CRPPA: variants seen among roughly 807,000 people sequenced by gnomAD.
The protein encoded by CRPPA is D-ribitol-5-phosphate cytidylyltransferase.
CRPPA carries 43 observed loss-of-function variants against 52.0 expected under a neutral mutation model. The ratio of observed to expected loss-of-function variants is 0.83; its 90% CI spans 0.65 to 1.07. CRPPA has a LOEUF of 1.07. CRPPA is among the 50% of genes least tolerant of loss of function. The pLI is 0.00. For missense variants in CRPPA, 629 were observed against 551.7 expected (o/e 1.14, Z -1.40); for synonymous variants, 250 against 203.5 (o/e 1.23, Z -1.94).
At chr7:16,388,046 C>A (rs965199699) in intron 2 of CRPPA, among the ~76,000 whole-genome samples, 5 of 152,144 alleles carry the variant, frequency 3.3e-5, no homozygotes, top group Non-Finnish European at 5.9e-5. Context: ...TCCGGTAGCA[C>A]AATCACAGCT....
chr7:16,100,466 A>G (rs968739521), intron 9 of CRPPA, among the ~76,000 whole-genome samples: 1 of 152,234 alleles, frequency 6.6e-6, no homozygotes, highest in African/African-American at 2.4e-5. Context: ...AATATTTATT[A>G]GTTAGAATAA....
At chr7:16,395,492 C>A (rs1787545668) in intron 2 of CRPPA, among the ~76,000 whole-genome samples, 1 of 152,162 alleles carries the variant, frequency 6.6e-6, no homozygotes, top group Non-Finnish European at 1.5e-5. Flanking sequence ...ATCTCTAAAG[C>A]TAATCATTGG....
At chr7:16,156,564 ATCT>A (rs767269696) in intron 9 of CRPPA, among the ~76,000 whole-genome samples, 3 of 152,184 alleles carry the variant, frequency 2.0e-5, no homozygotes, top group Non-Finnish European at 4.4e-5. Flanking sequence ...TATCTATGGC[ATCT>A]CAGAAGATCA....
At chr7:16,223,788 C>T (rs1782581040) in intron 8 of CRPPA, among the ~76,000 whole-genome samples, 1 of 152,134 alleles carries the variant, frequency 6.6e-6, no homozygotes, top group African/African-American at 2.4e-5. Flanking sequence ...AATAAACTTA[C>T]AGCCTGGACA....
At chr7:16,317,443 T>A (rs1785166115) in intron 3 of CRPPA, among the ~76,000 whole-genome samples, 1 of 152,200 alleles carries the variant, frequency 6.6e-6, no homozygotes, top group African/African-American at 2.4e-5. Context: ...ATCTGATGGT[T>A]GTGTAGAGGC....
chr7:16,292,170 C>T (rs551660551), intron 5 of CRPPA, among the ~76,000 whole-genome samples: 7 of 151,856 alleles, frequency 4.6e-5, no homozygotes, highest in Non-Finnish European at 8.8e-5. Context: ...CTCTCTTAAC[C>T]GTACTCTAAA....
At chr7:16,372,998 T>C (rs763424190) in intron 3 of CRPPA, among the ~76,000 whole-genome samples, 1 of 152,132 alleles carries the variant, frequency 6.6e-6, no homozygotes, top group Non-Finnish European at 1.5e-5. Flanking sequence ...CAGACCTCAA[T>C]AGAGAGTGGA....
rs757915295 is a variant in CRPPA, at chr7:16,091,627, C to T, written c.*68G>A. On this transcript the variant is annotated 3_prime_UTR_variant, in exon 10 of 10. Coordinates refer to ENST00000407010, the MANE Select transcript of CRPPA (RefSeq NM_001101426.4). ...TGAAACATTCTACCACACACAGCAG[C>T]GGGGGCACAAAGCACAATTAAGATA... 8.7e-6 allele frequency: 7 copies of T among 802,074 alleles called. No individual in the cohort carries two copies. The highest frequency in any genetic ancestry group is 2.8e-5 in the East Asian group (1 of 36,036). The allele number at this position is 802,074 out of a possible 1,614,324, so 49.7% of individuals were successfully genotyped here. A position where few individuals can be genotyped will look rare whatever the true frequency, so the allele number is the denominator to read the frequency against.
chr7:16,204,597 T>C (rs571586568), intron 9 of CRPPA, among the ~76,000 whole-genome samples: 2 of 152,166 alleles, frequency 1.3e-5, no homozygotes, highest in African/African-American at 4.8e-5. Flanking sequence ...GTAACAAAAT[T>C]GCACTTGTTC....
chr7:16,121,363 G>T (rs1456927535), intron 9 of CRPPA, among the ~76,000 whole-genome samples: 1 of 151,884 alleles, frequency 6.6e-6, no homozygotes, highest in Non-Finnish European at 1.5e-5. Context: ...CACCTCCATA[G>T]CATGTATAAC....
At chr7:16,274,496 A>C (rs1196130935) in intron 6 of CRPPA, among the ~76,000 whole-genome samples, 1 of 152,192 alleles carries the variant, frequency 6.6e-6, no homozygotes, top group Non-Finnish European at 1.5e-5. Flanking sequence ...AGATTCTCTG[A>C]GTAAAATAAC....
At chr7:16,417,399 A>C (rs1462614871) in intron 1 of CRPPA, among the ~76,000 whole-genome samples, 1 of 152,248 alleles carries the variant, frequency 6.6e-6, no homozygotes, top group Non-Finnish European at 1.5e-5. Flanking sequence ...CTAGGTGCCC[A>C]TCAATGGTGG....
chr7:16,415,110 T>A (rs554363839), intron 1 of CRPPA, among the ~76,000 whole-genome samples: 2 of 152,362 alleles, frequency 1.3e-5, no homozygotes, highest in Admixed American at 1.3e-4. Context: ...TACTTTTGAA[T>A]CTCATTTAAT....
intron 5 of CRPPA, among the ~76,000 whole-genome samples, chr7:16,278,618 G>A (rs1316321605): frequency 1.3e-5 from 2 of 152,190 alleles, no homozygotes; most frequent in Non-Finnish European, 2.9e-5. Flanking sequence ...TTAGGCCATA[G>A]GTTATCTCCT....
At position 16,258,411 on chromosome 7, in the gene CRPPA, T is replaced by G; in HGVS notation, c.1098A>C (p.Leu366Phe). ...SMLEESSLCI[L>F]YPVVVVSVHF... ...TTACTGAAACAACAACAACAGGATA[T>G]AAAATGCAAAGACTACTCTCTTCAA... Residue 366 changes from leucine (L) to phenylalanine (F), a missense_variant, in exon 8 of 10, where the codon TTA becomes TTC. Physicochemically the swap from Leu to Phe is conservative, Grantham distance 22. Coordinates refer to ENST00000407010, the MANE Select transcript of CRPPA (RefSeq NM_001101426.4). 6.2e-7 allele frequency: 1 copy of G among 1,603,230 alleles called. No homozygotes were observed. The highest frequency in any genetic ancestry group is 8.5e-7 in the Non-Finnish European group (1 of 1,174,246).
intron 9 of CRPPA, among the ~76,000 whole-genome samples, chr7:16,126,498 A>G (rs1284247520): frequency 1.3e-5 from 2 of 152,228 alleles, no homozygotes; most frequent in African/African-American, 4.8e-5. Context: ...AAAGGAAGTC[A>G]GTGAATTTAA....
intron 9 of CRPPA, among the ~76,000 whole-genome samples, chr7:16,153,183 T>A (rs531008959): frequency 6.6e-6 from 1 of 152,192 alleles, no homozygotes. Context: ...ATTATTACCC[T>A]ATCAGAAAGA....
At chr7:16,326,358 A>G (rs1785388946) in intron 3 of CRPPA, among the ~76,000 whole-genome samples, 1 of 152,216 alleles carries the variant, frequency 6.6e-6, no homozygotes, top group African/African-American at 2.4e-5. Context: ...TATCAAGGCT[A>G]GGAAACATAT....
intron 9 of CRPPA, among the ~76,000 whole-genome samples, chr7:16,092,509 T>C (rs892209412): frequency 7.2e-5 from 11 of 152,144 alleles, no homozygotes; most frequent in African/African-American, 2.7e-4. Flanking sequence ...CTAGGACCTA[T>C]TGTAGCTCCT....
Sources: gnomAD v4.1 joint callset for allele counts (sites outside exome capture counted in the v4.1 genomes callset) on GRCh38, gnomAD v4.1.1 for gene constraint, MANE v1.5 for transcripts, NCBI Gene and HGNC (gene_info 2026-07-23, HGNC 2026-07-21) for gene names.